The following TAFA4 variants were observed in gnomAD, a reference collection of about 807,000 sequenced individuals.
TAFA4 encodes chemokine-like protein TAFA-4.
TAFA4 carries 20 observed loss-of-function variants against 21.1 expected under a neutral mutation model. The observed-to-expected ratio is 0.95, with a 90% confidence interval of 0.67 to 1.38. The LOEUF (loss-of-function observed/expected upper bound fraction) is 1.38. Among genes scored for constraint, TAFA4 ranks in the 40% most tolerant of loss-of-function variants. The pLI is 0.00. For missense variants in TAFA4, 211 were observed against 180.9 expected, an observed-to-expected ratio of 1.17 and a Z score of -0.95; for synonymous variants, 71 against 67.4, an observed-to-expected ratio of 1.05 and a Z score of -0.26.
chr3:68,812,763 C>T (rs2106847606), intron 3 of TAFA4, among the ~76,000 whole-genome samples: 1 of 152,194 alleles, frequency 6.6e-6, no homozygotes, highest in Non-Finnish European at 1.5e-5. Context: ...TTAGACAGAT[C>T]AACAAGACCG....
In TAFA4 at chr3:68,916,357, G is replaced by C. The variant is rs2090005091; in HGVS notation, c.-123+15883C>G. The C allele has an allele frequency of 2.6e-5, 4 of 152,166 alleles. No homozygotes were observed. The South Asian group carries it at 8.3e-4, about 32-fold the overall frequency. The allele number at this position is 152,166 out of a possible 1,614,324, so 9.4% of individuals were successfully genotyped here. On this transcript the variant is annotated intron_variant, in intron 1 of 5. Coordinates refer to ENST00000295569, the MANE Select transcript of TAFA4 (RefSeq NM_182522.5). Reference sequence around the variant, plus strand: ...CTTCTTCTTGCCCCCAAACCACTGAGTATCTCTCCATTTGATCCTTCCCAG... The same window carrying C: ...CTTCTTCTTGCCCCCAAACCACTGACTATCTCTCCATTTGATCCTTCCCAG...
chr3:68,829,297 G>A (rs559948408), intron 3 of TAFA4, among the ~76,000 whole-genome samples: 1 of 152,190 alleles, frequency 6.6e-6, no homozygotes, highest in East Asian at 1.9e-4. Flanking sequence ...CAAGAAATGG[G>A]GAAAGGATTC....
intron 3 of TAFA4, among the ~76,000 whole-genome samples, chr3:68,864,874 A>T (rs1211929177): frequency 6.6e-6 from 1 of 152,158 alleles, no homozygotes; most frequent in Non-Finnish European, 1.5e-5. Flanking sequence ...ATGAAAAAGA[A>T]GATGATTCCA....
chr3:68,869,374 G>C (rs1370669790), intron 3 of TAFA4, among the ~76,000 whole-genome samples: 1 of 151,906 alleles, frequency 6.6e-6, no homozygotes, highest in African/African-American at 2.4e-5. Context: ...GGCCAGCATT[G>C]CCCTTACACC....
intron 3 of TAFA4, among the ~76,000 whole-genome samples, chr3:68,791,603 C>T (rs114683175): frequency 0.015 from 2,238 of 152,230 alleles, 52 homozygotes; most frequent in African/African-American, 0.051. Flanking sequence ...CTCTTTATAA[C>T]GTATCATCAC....
At chr3:68,814,760 C>T (rs1012495769) in intron 3 of TAFA4, among the ~76,000 whole-genome samples, 27 of 152,056 alleles carry the variant, frequency 1.8e-4, no homozygotes, top group Non-Finnish European at 2.9e-4. Context: ...ATAGATTCAA[C>T]GCCATACCCA....
At chr3:68,880,967 C>A in intron 2 of TAFA4, 122 bp from the exon 3 acceptor site, 1 of 683,484 alleles carries the variant, frequency 1.5e-6, no homozygotes, top group South Asian at 1.9e-5. Flanking sequence ...TTCCTTTCTC[C>A]CAAGAAAACA....
At chr3:68,881,987 T>C (rs530643877) in intron 2 of TAFA4, among the ~76,000 whole-genome samples, 1 of 152,190 alleles carries the variant, frequency 6.6e-6, no homozygotes, top group South Asian at 2.1e-4. Flanking sequence ...ACATTCTCTC[T>C]CCGTGACCTC....
At chr3:68,832,023 C>T (rs549932993) in intron 3 of TAFA4, among the ~76,000 whole-genome samples, 2 of 152,264 alleles carry the variant, frequency 1.3e-5, no homozygotes, top group Non-Finnish European at 2.9e-5. Context: ...TGGTTTTCAC[C>T]TCCATCAGGT....
chr3:68,835,308 TC>T (rs1704497833), intron 3 of TAFA4, among the ~76,000 whole-genome samples: 1 of 152,220 alleles, frequency 6.6e-6, no homozygotes, highest in Admixed American at 6.5e-5. Context: ...TACTTTTTTC[TC>T]TTTGTTCACT....
intron 3 of TAFA4, among the ~76,000 whole-genome samples, chr3:68,812,969 A>G (rs1365667131): frequency 2.6e-5 from 4 of 152,286 alleles, no homozygotes; most frequent in African/African-American, 9.6e-5. Context: ...AATTATAACA[A>G]ACTGTCTCTC....
chr3:68,832,264 G>C (rs780631087), intron 3 of TAFA4, among the ~76,000 whole-genome samples: 1 of 152,102 alleles, frequency 6.6e-6, no homozygotes, highest in Non-Finnish European at 1.5e-5. Flanking sequence ...GAGGCCTTCT[G>C]GTTTTTGGAA....
chr3:68,770,052 A>G (rs1486883288), intron 3 of TAFA4, among the ~76,000 whole-genome samples: 4 of 152,096 alleles, frequency 2.6e-5, no homozygotes, highest in Non-Finnish European at 4.4e-5. Flanking sequence ...GCATAGGACT[A>G]TGCCCAACCT....
intron 3 of TAFA4, among the ~76,000 whole-genome samples, chr3:68,795,088 C>G (rs565326862): frequency 6.6e-6 from 1 of 150,792 alleles, no homozygotes; most frequent in African/African-American, 2.4e-5. Context: ...ATAAATAATA[C>G]TTTATATGCT....
At chr3:68,748,081 C>A (rs547573716) in intron 4 of TAFA4, among the ~76,000 whole-genome samples, 1 of 152,298 alleles carries the variant, frequency 6.6e-6, no homozygotes, top group Admixed American at 6.5e-5. Flanking sequence ...TTGAGTCCTT[C>A]ATTAATAAAA....
At chr3:68,905,331 A>G (rs988783682) in intron 1 of TAFA4, among the ~76,000 whole-genome samples, 3 of 151,704 alleles carry the variant, frequency 2.0e-5, no homozygotes, top group Non-Finnish European at 4.4e-5. Context: ...CACTACACCT[A>G]GCTAAGTTTT....
intron 3 of TAFA4, among the ~76,000 whole-genome samples, chr3:68,812,440 CAG>C (rs1465584328): frequency 1.3e-5 from 2 of 152,108 alleles, no homozygotes; most frequent in African/African-American, 4.8e-5. Context: ...ATCTCACACA[CAG>C]AGACACATAT....
chr3:68,876,606 G>A (rs1472034721), intron 3 of TAFA4, among the ~76,000 whole-genome samples: 1 of 152,076 alleles, frequency 6.6e-6, no homozygotes, highest in Non-Finnish European at 1.5e-5. Context: ...AGCCATCATA[G>A]GGGACAGAAA....
chr3:68,791,662 A>C (rs1486234994), intron 3 of TAFA4, among the ~76,000 whole-genome samples: 1 of 152,218 alleles, frequency 6.6e-6, no homozygotes, highest in African/African-American at 2.4e-5. Context: ...TCTGTCAGGA[A>C]GCCCAAGAAA....
Sources: allele counts gnomAD v4.1 joint callset (sites outside exome capture counted in the v4.1 genomes callset), GRCh38; gene constraint gnomAD v4.1.1; transcripts MANE v1.5; gene names NCBI Gene and HGNC (gene_info 2026-07-23, HGNC 2026-07-21).